TRIM33: variants seen among roughly 807,000 people sequenced by gnomAD.
The protein encoded by TRIM33 is tripartite motif containing 33.
In TRIM33, 20 loss-of-function variants were observed where a neutral mutation model predicts 125.4. That is an observed-to-expected ratio of 0.16 (90% CI 0.11 to 0.23). The LOEUF (loss-of-function observed/expected upper bound fraction) is 0.23, where lower values mean the gene tolerates loss of function less well. TRIM33 is among the 10% of genes least tolerant of loss of function. The probability of loss-of-function intolerance (pLI) is 1.00; values close to 1 mark genes in which losing one functional copy is unlikely to be tolerated. For synonymous variants in TRIM33, 564 were observed against 513.9 expected, an observed-to-expected ratio of 1.10 and a Z score of -1.32; for missense variants, 920 against 1,411.4, an observed-to-expected ratio of 0.65 and a Z score of 5.58.
chr1:114,489,487 T>C (rs1651918254), intron 1 of TRIM33, among the ~76,000 whole-genome samples: 1 of 152,182 alleles, frequency 6.6e-6, no homozygotes, highest in South Asian at 2.1e-4. Context: ...CTCACACCTC[T>C]AATCCAAGCA....
At chr1:114,463,626 T>C in intron 2 of TRIM33, 70 bp from the exon 3 acceptor site, 1 of 892,830 alleles carries the variant, frequency 1.1e-6, no homozygotes, top group Non-Finnish European at 1.8e-6. Context: ...AAAAAAAACT[T>C]GTTCTTCAAT....
At chr1:114,419,257 A>G (rs1425102753) in intron 11 of TRIM33, among the ~76,000 whole-genome samples, 1 of 150,998 alleles carries the variant, frequency 6.6e-6, no homozygotes, top group Non-Finnish European at 1.5e-5. Context: ...AAAAAGAAAA[A>G]CTCCTAAACT....
At chr1:114,510,055 C>T (rs1476262580) in intron 1 of TRIM33, among the ~76,000 whole-genome samples, 17 of 152,146 alleles carry the variant, frequency 1.1e-4, no homozygotes. Context: ...TGCTCTCCAA[C>T]ATATTCTCTC....
chr1:114,398,211 T>TTA (rs1417617505), intron 18 of TRIM33, among the ~76,000 whole-genome samples: 1 of 152,212 alleles, frequency 6.6e-6, no homozygotes, highest in African/African-American at 2.4e-5. Flanking sequence ...ATTGTCTTAT[T>TTA]TTGAATTATC....
At chr1:114,438,668 C>A (rs1648459596) in intron 4 of TRIM33, among the ~76,000 whole-genome samples, 2 of 151,934 alleles carry the variant, frequency 1.3e-5, no homozygotes, top group Non-Finnish European at 2.9e-5. Flanking sequence ...ACTTTGACAA[C>A]CCTCTGTGTC....
intron 1 of TRIM33, among the ~76,000 whole-genome samples, chr1:114,494,372 T>C (rs1192261073): frequency 6.6e-6 from 1 of 152,154 alleles, no homozygotes; most frequent in East Asian, 1.9e-4. Flanking sequence ...ACACAGGTTA[T>C]GTGTTGGGGG....
chr1:114,442,860 A>G (rs941093225), intron 4 of TRIM33, among the ~76,000 whole-genome samples: 2 of 152,064 alleles, frequency 1.3e-5, no homozygotes, highest in Non-Finnish European at 2.9e-5. Context: ...TTTTATATCC[A>G]GGCCATAATA....
At chr1:114,429,242 C>T (rs937968734) in intron 6 of TRIM33, among the ~76,000 whole-genome samples, 39 of 151,128 alleles carry the variant, frequency 2.6e-4, no homozygotes, top group Middle Eastern at 3.4e-3. Flanking sequence ...GGCTGGAGTG[C>T]GGAGGCGCAA....
chr1:114,498,364 T>C (rs1652501259), intron 1 of TRIM33, among the ~76,000 whole-genome samples: 1 of 152,048 alleles, frequency 6.6e-6, no homozygotes, highest in South Asian at 2.1e-4. Flanking sequence ...ATGTACCATG[T>C]AGGCCAGGTG....
Position 114,511,128 on chromosome 1 carries a change from C to T in TRIM33, c.-52G>A. On this transcript the variant is annotated 5_prime_UTR_variant, in exon 1 of 20. Coordinates refer to ENST00000358465, the MANE Select transcript of TRIM33 (RefSeq NM_015906.4). ...GCCCCGCGCCGCCCGCCGCCCGCGT[C>T]GCCGCCGCCGCCGCCCCCAGCCCCA... 2 of 1,082,998 alleles carry T rather than the reference C, an allele frequency of 1.8e-6. No homozygotes were observed. Among genetic ancestry groups the T allele is most frequent in the Non-Finnish European group, 2.2e-6 (2 of 894,716 alleles). The allele number at this position is 1,082,998 out of a possible 1,614,324, so 67.1% of individuals were successfully genotyped here.
At chr1:114,498,931 A>T (rs186265955) in intron 1 of TRIM33, among the ~76,000 whole-genome samples, 1 of 152,320 alleles carries the variant, frequency 6.6e-6, no homozygotes, top group African/African-American at 2.4e-5. Flanking sequence ...AAAAAATAGA[A>T]GCATATCACT....
At position 114,399,395 on chromosome 1, in the gene TRIM33, TAAAAC is replaced by T; in HGVS notation, c.3120+57_3120+61del. 2.0e-6 allele frequency: 3 copies of T among 1,502,784 alleles called. No individual in the cohort carries two copies. The African/African-American group carries it at 4.2e-5, about 21-fold the overall frequency. 93.1% of individuals were successfully genotyped at this position (1,502,784 alleles called of 1,614,324 possible). ...AATAAAATTAAAGTCAGCAGAAAAA[TAAAAC>T]AAGGAAACAAACAAAAACTAACAAA... On this transcript the variant is annotated intron_variant, in intron 18 of 19. Transcript: ENST00000358465.
chr1:114,426,522 TAAA>T (rs67267317), intron 8 of TRIM33, among the ~76,000 whole-genome samples: 4 of 143,502 alleles, frequency 2.8e-5, no homozygotes, highest in Middle Eastern at 3.3e-3. Context: ...TTTTTTTTTT[TAAA>T]AAAAAAGGGC....
intron 12 of TRIM33, among the ~76,000 whole-genome samples, chr1:114,409,525 T>G (rs2101106996): frequency 6.6e-6 from 1 of 152,280 alleles, no homozygotes; most frequent in Admixed American, 6.5e-5. Flanking sequence ...TTCAACTGAC[T>G]CTGTATTGTA....
intron 1 of TRIM33, among the ~76,000 whole-genome samples, chr1:114,466,775 C>A (rs1040347211): frequency 1.3e-5 from 2 of 152,162 alleles, no homozygotes; most frequent in Non-Finnish European, 2.9e-5. Flanking sequence ...TATCTTTCAA[C>A]TAAATTAGGG....
intron 4 of TRIM33, among the ~76,000 whole-genome samples, chr1:114,447,915 C>G (rs555973999): frequency 4.6e-5 from 7 of 152,234 alleles, no homozygotes; most frequent in Admixed American, 3.3e-4. Flanking sequence ...ACAATGCTGA[C>G]AGTCAAAAGC....
intron 1 of TRIM33, among the ~76,000 whole-genome samples, chr1:114,502,335 A>G (rs907361916): frequency 1.3e-5 from 2 of 152,196 alleles, no homozygotes; most frequent in Admixed American, 1.3e-4. Flanking sequence ...TCCTGGTCTC[A>G]GGACCTCTCT....
At chr1:114,452,551 TA>T (rs1373707281) in intron 4 of TRIM33, among the ~76,000 whole-genome samples, 1 of 152,080 alleles carries the variant, frequency 6.6e-6, no homozygotes, top group Non-Finnish European at 1.5e-5. Flanking sequence ...TAACCTCTAC[TA>T]AATAATTTTC....
At chr1:114,413,628 T>A (rs1176152808) in intron 11 of TRIM33, among the ~76,000 whole-genome samples, 58 of 50,786 alleles carry the variant, frequency 1.1e-3, no homozygotes, top group East Asian at 1.6e-3. Flanking sequence ...AGCAAAACTG[T>A]AAAAAAAAAA....
Sources: allele counts gnomAD v4.1 joint callset (sites outside exome capture counted in the v4.1 genomes callset), GRCh38; gene constraint gnomAD v4.1.1; transcripts MANE v1.5; gene names NCBI Gene and HGNC (gene_info 2026-07-23, HGNC 2026-07-21).